The following GSK3B variants were observed in gnomAD, a reference collection of about 807,000 sequenced individuals.
The protein encoded by GSK3B is glycogen synthase kinase-3 beta.
GSK3B carries 15 observed loss-of-function variants against 56.4 expected under a neutral mutation model. The observed-to-expected ratio is 0.27, with a 90% confidence interval of 0.18 to 0.41. The LOEUF is 0.41. Ranked by LOEUF, GSK3B falls within the 10% of genes least tolerant of loss-of-function variation. The pLI, the probability that GSK3B is intolerant of heterozygous loss-of-function variation, is 1.00. For missense variants in GSK3B, 300 were observed against 513.4 expected (o/e 0.58, Z 4.02); for synonymous variants, 181 against 188.9 (o/e 0.96, Z 0.34).
intron 1 of GSK3B, among the ~76,000 whole-genome samples, chr3:120,043,066 T>C (rs993625121): frequency 6.6e-6 from 1 of 152,216 alleles, no homozygotes; most frequent in Non-Finnish European, 1.5e-5. Flanking sequence ...ACCAAAGGTC[T>C]CTTAGCACAG....
chr3:120,039,107 C>T (rs1212877647), intron 1 of GSK3B, among the ~76,000 whole-genome samples: 1 of 152,184 alleles, frequency 6.6e-6, no homozygotes, highest in African/African-American at 2.4e-5. Flanking sequence ...CATCATATGT[C>T]ATTAGGGAAT....
At chr3:119,897,793 CAAAAAAAAAAAA>C (rs11464173) in intron 7 of GSK3B, among the ~76,000 whole-genome samples, 1 of 73,150 alleles carries the variant, frequency 1.4e-5, no homozygotes, top group East Asian at 4.2e-4. Flanking sequence ...GACTCTGTCT[CAAAAAAAAAAAA>C]AAAAAAGAAA....
At chr3:119,827,869 C>CAAAA (rs35889690) in intron 10 of GSK3B, among the ~76,000 whole-genome samples, 129 of 141,782 alleles carry the variant, frequency 9.1e-4, no homozygotes, top group African/African-American at 2.9e-3. Context: ...TTAATGGGTA[C>CAAAA]AAAAAAAAAA....
intron 3 of GSK3B, among the ~76,000 whole-genome samples, chr3:119,946,001 A>T (rs933958196): frequency 1.3e-5 from 2 of 152,076 alleles, no homozygotes; most frequent in Non-Finnish European, 1.5e-5. Context: ...TAAAGATAAT[A>T]ACAGGCCATT....
chr3:119,955,049 T>C (rs1048052462), intron 2 of GSK3B, among the ~76,000 whole-genome samples: 1 of 152,036 alleles, frequency 6.6e-6, no homozygotes, highest in East Asian at 1.9e-4. Flanking sequence ...TCTAGTAAAA[T>C]AGGACTCATT....
chr3:119,966,201 T>G (rs533995976), intron 2 of GSK3B, among the ~76,000 whole-genome samples: 1 of 152,198 alleles, frequency 6.6e-6, no homozygotes, highest in Non-Finnish European at 1.5e-5. Flanking sequence ...GATCTTGTAA[T>G]GCAAAAACTC....
At chr3:119,960,200 ATATGATTCCAT>A (rs2057258222) in intron 2 of GSK3B, among the ~76,000 whole-genome samples, 1 of 148,240 alleles carries the variant, frequency 6.7e-6, no homozygotes, top group African/African-American at 2.5e-5. Flanking sequence ...TACATACTGG[ATATGATTCCAT>A]TTTTATAACC....
chr3:120,057,866 G>A lies in GSK3B; in HGVS notation c.88+35481C>T, dbSNP rs376052787. 5.9e-5 allele frequency among the ~76,000 whole-genome samples: 9 copies of A among 152,086 alleles called. No individual in the cohort carries two copies. The East Asian group carries it at 7.7e-4, about 13-fold the overall frequency. On this transcript the variant is annotated intron_variant, in intron 1 of 10. Transcript: ENST00000264235. ...ACCAATCATTAACCCATTAAATAGT[G>A]GAGCCCAGATTTGACTCCAGCTCTC...
At chr3:119,869,231 A>AC (rs2056221699) in intron 8 of GSK3B, among the ~76,000 whole-genome samples, 1 of 149,600 alleles carries the variant, frequency 6.7e-6, no homozygotes, top group South Asian at 2.1e-4. Context: ...CTCAAAAAAA[A>AC]AAAAAAAAAA....
chr3:119,978,344 G>A (rs1228328905), intron 2 of GSK3B, among the ~76,000 whole-genome samples: 1 of 152,162 alleles, frequency 6.6e-6, no homozygotes, highest in African/African-American at 2.4e-5. Context: ...TTCCAAGCTT[G>A]TGATAAGCCC....
At chr3:119,876,529 T>A in intron 7 of GSK3B, 21 bp from the exon 8 acceptor site, 1 of 1,300,086 alleles carries the variant, frequency 7.7e-7, no homozygotes, top group Non-Finnish European at 1.1e-6. Context: ...AGCAAGTTAT[T>A]GCCATCTTTT....
In GSK3B at chr3:119,890,174, A is replaced by T. The variant is rs115835798; in HGVS notation, c.814-13666T>A. Among the ~76,000 whole-genome samples the T allele has an allele frequency of 4.2e-3, 645 of 152,214 alleles. 1 individual carries two copies. The highest frequency in any genetic ancestry group is 0.015 in the African/African-American group (609 of 41,548). ...AATATAAACATATGTCTGCAAAAAC[A>T]CCTGTAAACAAACATTCATAGGAGC... On this transcript the variant is annotated intron_variant, in intron 7 of 10. Transcript: ENST00000264235.
At chr3:119,861,244 C>T (rs1378807556) in intron 9 of GSK3B, among the ~76,000 whole-genome samples, 1 of 152,184 alleles carries the variant, frequency 6.6e-6, no homozygotes, top group African/African-American at 2.4e-5. Context: ...GGCATGGTGG[C>T]TCATGCCTGT....
chr3:119,832,314 C>T (rs1298535893), intron 10 of GSK3B, among the ~76,000 whole-genome samples: 1 of 152,210 alleles, frequency 6.6e-6, no homozygotes, highest in East Asian at 1.9e-4. Flanking sequence ...TGCCTCCAGG[C>T]AAGTCATCAG....
At chr3:120,086,631 T>C (rs1193238138) in intron 1 of GSK3B, among the ~76,000 whole-genome samples, 1 of 151,930 alleles carries the variant, frequency 6.6e-6, no homozygotes, top group Middle Eastern at 3.2e-3. Flanking sequence ...CCCCTCTCTA[T>C]AAAAACTACA....
At chr3:120,092,002 T>C (rs751260426) in intron 1 of GSK3B, among the ~76,000 whole-genome samples, 58 of 152,184 alleles carry the variant, frequency 3.8e-4, no homozygotes, top group Non-Finnish European at 6.8e-4. Context: ...TTTGCGTGTG[T>C]GTGGGTTCTT....
At chr3:119,831,777 AGAACT>A (rs1429510677) in intron 10 of GSK3B, among the ~76,000 whole-genome samples, 1 of 152,238 alleles carries the variant, frequency 6.6e-6, no homozygotes, top group African/African-American at 2.4e-5. Context: ...AAACAACTAC[AGAACT>A]GACATTTCAC....
chr3:120,026,507 CCAAATACACA>C (rs1490840797), intron 1 of GSK3B, among the ~76,000 whole-genome samples: 1 of 91,292 alleles, frequency 1.1e-5, no homozygotes, highest in East Asian at 2.6e-4. Context: ...TGCTATACCG[CCAAATACACA>C]CACACACACA....
At chr3:119,990,014 C>T (rs1157088034) in intron 2 of GSK3B, among the ~76,000 whole-genome samples, 1 of 152,046 alleles carries the variant, frequency 6.6e-6, no homozygotes, top group African/African-American at 2.4e-5. Flanking sequence ...TGGACAAGCC[C>T]CTCATTCTAA....
Sources: gnomAD v4.1 joint callset for allele counts (sites outside exome capture counted in the v4.1 genomes callset) on GRCh38, gnomAD v4.1.1 for gene constraint, MANE v1.5 for transcripts, NCBI Gene and HGNC (gene_info 2026-07-23, HGNC 2026-07-21) for gene names.